GRAP2: variants seen among roughly 807,000 people sequenced by gnomAD.
The protein encoded by GRAP2 is GRB2 related adaptor protein 2, also known as GRB2-related adapter protein 2.
A neutral mutation model predicts 43.5 loss-of-function variants in GRAP2; 31 were observed. The observed-to-expected ratio is 0.71, with a 90% CI of 0.54 to 0.96. The LOEUF is 0.96. Ranked by LOEUF, GRAP2 falls within the 40% of genes least tolerant of loss-of-function variation. The pLI is 0.00. For missense variants in GRAP2, 371 were observed against 424.4 expected (o/e 0.87, Z 1.11); for synonymous variants, 156 against 164.8 (o/e 0.95, Z 0.41).
chr22:39,902,538 T>C (rs757444654), intron 1 of GRAP2, among the ~76,000 whole-genome samples: 6 of 152,128 alleles, frequency 3.9e-5, no homozygotes, highest in Non-Finnish European at 8.8e-5. Flanking sequence ...AAAAGAGAGG[T>C]GGCCCTATAT....
At chr22:39,923,039 TAA>T (rs71753877) in intron 1 of GRAP2, among the ~76,000 whole-genome samples, 34 of 140,456 alleles carry the variant, frequency 2.4e-4, no homozygotes, top group African/African-American at 3.4e-4. Flanking sequence ...GAGATTCAGT[TAA>T]AAAAAAAAAA....
At chr22:39,907,503 A>G (rs540762539) in intron 1 of GRAP2, among the ~76,000 whole-genome samples, 8 of 152,318 alleles carry the variant, frequency 5.3e-5, no homozygotes, top group African/African-American at 1.9e-4. Flanking sequence ...TTGGGAGGAC[A>G]AGGTGGGAGG....
At chr22:39,951,588 A>T (rs1321548286) in intron 2 of GRAP2, among the ~76,000 whole-genome samples, 2 of 152,164 alleles carry the variant, frequency 1.3e-5, no homozygotes, top group Non-Finnish European at 2.9e-5. Flanking sequence ...ATCATCTCTT[A>T]GGGAACATTA....
rs117468306 is a variant in GRAP2, at chr22:39,935,818, G to C, written c.-14-11275G>C. Among the ~76,000 whole-genome samples, 5 of 152,288 alleles carry C rather than the reference G, an allele frequency of 3.3e-5. No individual in the cohort carries two copies. In the East Asian group the frequency reaches 9.6e-4, roughly 29 times the overall value. ...TGCCGTCCTCTGCTGACACTTTTGT[G>C]TTTTGCCCAGATGAGAATTAAGGTA... On this transcript the variant is annotated intron_variant, in intron 1 of 7. Transcript: ENST00000344138.
chr22:39,938,617 G>A (rs2066831854), intron 1 of GRAP2, among the ~76,000 whole-genome samples: 1 of 152,190 alleles, frequency 6.6e-6, no homozygotes, highest in Non-Finnish European at 1.5e-5. Context: ...GGTGACTGTG[G>A]GCTGAGCCTG....
intron 1 of GRAP2, among the ~76,000 whole-genome samples, chr22:39,905,565 G>A (rs1015763155): frequency 4.6e-5 from 7 of 152,066 alleles, no homozygotes; most frequent in African/African-American, 1.7e-4. Context: ...AAGAGTAAAC[G>A]ATTTATACAT....
intron 1 of GRAP2, among the ~76,000 whole-genome samples, chr22:39,915,237 T>G (rs928836617): frequency 5.6e-5 from 8 of 143,784 alleles, no homozygotes; most frequent in African/African-American, 1.3e-4. Context: ...ATAAATAAAA[T>G]CATTTTATTC....
intron 3 of GRAP2, 98 bp from the exon 4 acceptor site, chr22:39,959,957 C>A: frequency 1.8e-6 from 2 of 1,094,746 alleles, no homozygotes; most frequent in South Asian, 1.3e-5. Context: ...TGTACAGAGT[C>A]CCCAGCCTCT....
chr22:39,894,714 G>A, the GRAP2 span, among the ~76,000 whole-genome samples: 1 of 152,164 alleles, frequency 6.6e-6, no homozygotes, highest in Non-Finnish European at 1.5e-5. Flanking sequence ...CTGATTTTCC[G>A]TGAGCACCCA....
At chr22:39,908,844 A>G (rs567857215) in intron 1 of GRAP2, among the ~76,000 whole-genome samples, 113 of 152,334 alleles carry the variant, frequency 7.4e-4, no homozygotes, top group Non-Finnish European at 1.5e-3. Flanking sequence ...AACTTGTTGC[A>G]GACAGTATCA....
chr22:39,938,063 A>T (rs1354800562), intron 1 of GRAP2, among the ~76,000 whole-genome samples: 2 of 152,202 alleles, frequency 1.3e-5, no homozygotes, highest in African/African-American at 2.4e-5. Context: ...AAGAAGAAGG[A>T]AGTGGCTGGC....
At chr22:39,947,267 A>C (rs1336248904) in intron 2 of GRAP2, 83 bp downstream of exon 2, 14 of 790,642 alleles carry the variant, frequency 1.8e-5, no homozygotes, top group Non-Finnish European at 3.3e-5. Flanking sequence ...GTCTCTTAAG[A>C]ACTGCATGTG....
chr22:39,926,254 T>C (rs561975156), intron 1 of GRAP2, among the ~76,000 whole-genome samples: 2 of 152,326 alleles, frequency 1.3e-5, no homozygotes, highest in South Asian at 4.1e-4. Context: ...ATAATTGAAT[T>C]GGCGCTGTGT....
intron 3 of GRAP2, 32 bp from the exon 4 acceptor site, chr22:39,960,023 C>A (rs535899337): frequency 6.2e-7 from 1 of 1,611,406 alleles, no homozygotes; most frequent in South Asian, 1.1e-5. Flanking sequence ...TGTGTCTCAT[C>A]CTGATCCTTT....
At chr22:39,956,989 T>C (rs1475029668) in intron 3 of GRAP2, among the ~76,000 whole-genome samples, 5 of 152,084 alleles carry the variant, frequency 3.3e-5, no homozygotes, top group Non-Finnish European at 7.4e-5. Context: ...CAGTAAAGCA[T>C]GCTCACCCCA....
At chr22:39,960,274 A>G (rs936698143) in intron 4 of GRAP2, 100 bp downstream of exon 4, 1 of 1,181,930 alleles carries the variant, frequency 8.5e-7, no homozygotes, top group Non-Finnish European at 1.2e-6. Flanking sequence ...CCCAATGGTC[A>G]GAAGCATGGT....
intron 1 of GRAP2, among the ~76,000 whole-genome samples, chr22:39,934,089 G>T (rs1172746566): frequency 2.0e-5 from 3 of 152,108 alleles, no homozygotes; most frequent in Non-Finnish European, 4.4e-5. Flanking sequence ...CCCAAATATG[G>T]CCCTGAAGGA....
intron 1 of GRAP2, among the ~76,000 whole-genome samples, chr22:39,934,873 A>C (rs2066791221): frequency 6.6e-6 from 1 of 152,198 alleles, no homozygotes; most frequent in African/African-American, 2.4e-5. Context: ...CCTATCTAAA[A>C]AAAAACAAAA....
intron 2 of GRAP2, among the ~76,000 whole-genome samples, chr22:39,951,394 T>C (rs776160462): frequency 6.6e-6 from 1 of 152,218 alleles, no homozygotes; most frequent in Non-Finnish European, 1.5e-5. Flanking sequence ...CCTCATTTCT[T>C]CCTGCTAAAA....
Sources: gnomAD v4.1 joint callset for allele counts (sites outside exome capture counted in the v4.1 genomes callset) on GRCh38, gnomAD v4.1.1 for gene constraint, MANE v1.5 for transcripts, NCBI Gene and HGNC (gene_info 2026-07-23, HGNC 2026-07-21) for gene names.